The following PSMA1 variants were observed in gnomAD, a reference collection of about 807,000 sequenced individuals.
PSMA1 encodes the protein proteasome 20S subunit alpha 1.
A neutral mutation model predicts 38.4 loss-of-function variants in PSMA1; 3 were observed. That is an observed-to-expected ratio of 0.08 (90% CI 0.04 to 0.20). PSMA1 has a LOEUF of 0.20. Among genes scored for constraint, PSMA1 ranks in the 10% least tolerant of loss-of-function variants. PSMA1 has a pLI of 1.00. For synonymous variants in PSMA1, 101 were observed against 107.1 expected, an observed-to-expected ratio of 0.94 and a Z score of 0.35; for missense variants, 227 against 325.3, an observed-to-expected ratio of 0.70 and a Z score of 2.32.
chr11:14,632,230 G>T (rs1191482454), intron 1 of PSMA1, among the ~76,000 whole-genome samples: 7 of 149,024 alleles, frequency 4.7e-5, no homozygotes, highest in Middle Eastern at 3.4e-3. Flanking sequence ...TGGTTAATTT[G>T]CTCGTTAGTT....
intron 2 of PSMA1, among the ~76,000 whole-genome samples, chr11:14,580,739 T>C (rs1358143301): frequency 1.3e-5 from 2 of 152,198 alleles, no homozygotes; most frequent in African/African-American, 4.8e-5. Context: ...CCTGTCAGAC[T>C]GGAGCCATAG....
chr11:14,551,008 A>C (rs1426911009), intron 2 of PSMA1, among the ~76,000 whole-genome samples: 2 of 152,156 alleles, frequency 1.3e-5, no homozygotes, highest in Non-Finnish European at 1.5e-5. Flanking sequence ...TTAGGTATCT[A>C]AATATAGCAC....
At chr11:14,545,360 G>A (rs779773185) in intron 2 of PSMA1, among the ~76,000 whole-genome samples, 2 of 152,220 alleles carry the variant, frequency 1.3e-5, no homozygotes, top group Non-Finnish European at 2.9e-5. Context: ...GTGCAAGTTT[G>A]TTACATAGGT....
chr11:14,532,065 T>C (rs973907048), intron 2 of PSMA1, among the ~76,000 whole-genome samples: 1 of 151,962 alleles, frequency 6.6e-6, no homozygotes, highest in Non-Finnish European at 1.5e-5. Context: ...ACTAATATAA[T>C]ACCATTTTAA....
chr11:14,639,821 A>C (rs1266781346), intron 1 of PSMA1, among the ~76,000 whole-genome samples: 2 of 152,160 alleles, frequency 1.3e-5, no homozygotes, highest in Non-Finnish European at 2.9e-5. Flanking sequence ...ACCTTTTAAT[A>C]TCAAGCCTAG....
chr11:14,629,003 T>C lies in PSMA1; in HGVS notation c.-166+14452A>G, dbSNP rs1336404911. ...TCTGTTCATGTCCTTCGCCCACTTG[T>C]TGATGGGGTTGTTTGTTTTTTTCTT... On this transcript the variant is annotated intron_variant, in intron 1 of 10. Coordinates refer to the PSMA1 transcript ENST00000418988. Among the ~76,000 whole-genome samples the C allele has an allele frequency of 1.2e-3, 181 of 151,540 alleles. 2 individuals carry two copies. The highest frequency in any genetic ancestry group is 4.2e-3 in the African/African-American group (176 of 41,456).
At chr11:14,623,159 T>C in intron 1 of PSMA1, among the ~76,000 whole-genome samples, 1 of 152,232 alleles carries the variant, frequency 6.6e-6, no homozygotes, top group African/African-American at 2.4e-5. Context: ...GCAAATTGCA[T>C]GCGCAGGTAG....
rs542250357 is a variant in PSMA1 at position 14,517,987 on chromosome 11, GAA to G, written c.49-8_49-7del. The G allele has an allele frequency of 2.2e-6, 3 of 1,348,362 alleles. No homozygotes were observed. The highest frequency in any genetic ancestry group is 1.4e-5 in the South Asian group (1 of 69,872). The allele number at this position is 1,348,362 out of a possible 1,614,324, so 83.5% of individuals were successfully genotyped here. ...TCAATTTGATGAATCCTGCCCTAAA[GAA>G]AAAAAAAACAAAAAACACACATCTT... On this transcript the variant is annotated splice_polypyrimidine_tract_variant and splice_region_variant and intron_variant, in intron 2 of 9. Coordinates refer to ENST00000396394, the MANE Select transcript of PSMA1 (RefSeq NM_002786.4).
At chr11:14,594,448 A>G (rs1852461886) in intron 2 of PSMA1, among the ~76,000 whole-genome samples, 1 of 152,166 alleles carries the variant, frequency 6.6e-6, no homozygotes, top group Non-Finnish European at 1.5e-5. Flanking sequence ...CATTTCCATC[A>G]TGTCTAGACC....
chr11:14,536,302 G>A (rs569274475), intron 2 of PSMA1, among the ~76,000 whole-genome samples: 29 of 152,168 alleles, frequency 1.9e-4, no homozygotes, highest in African/African-American at 6.3e-4. Flanking sequence ...CGAGGGGGGC[G>A]GATCACCTGC....
rs1473006973 is a variant in PSMA1 at position 14,534,202 on chromosome 11, A to G, written c.22-15161T>C. 3.3e-5 allele frequency among the ~76,000 whole-genome samples: 5 copies of G among 152,186 alleles called. No individual in the cohort carries two copies. Among genetic ancestry groups the G allele is most frequent in the East Asian group, 1.9e-4 (1 of 5,200 alleles). ...GCCTCAAAAATACATACATACATACATACATAAATAAAATAAAATAAAAAT... is the reference window on the plus strand; with the variant it reads ...GCCTCAAAAATACATACATACATACGTACATAAATAAAATAAAATAAAAAT... On this transcript the variant is annotated intron_variant, in intron 2 of 10. Transcript: ENST00000418988. This position sits in a 1 kb window ranked among gnomAD's most constrained non-coding sequence, Gnocchi z 4.5.
rs1851385219 is a variant in PSMA1, at chr11:14,513,835, G to A, written c.396C>T (p.Leu132=). 1.3e-6 allele frequency: 2 copies of A among 1,597,304 alleles called. No homozygotes were observed. Among genetic ancestry groups the A allele is most frequent in the Non-Finnish European group, 1.7e-6 (2 of 1,175,058 alleles). ...AACTTACATCATAACCAGCAATAAG[G>A]AGACCAACACCATATGGTCTCCGGC... ...RYGRRPYGVG[L]LIAGYDDMGP... The change falls in exon 6 of 10, where the codon CTC becomes CTT. Residue 132 remains leucine, a synonymous_variant. Transcript: ENST00000396394.
chr11:14,594,401 A>G (rs781317613), intron 2 of PSMA1, among the ~76,000 whole-genome samples: 9 of 152,188 alleles, frequency 5.9e-5, no homozygotes, highest in Non-Finnish European at 1.3e-4. Flanking sequence ...TAAGCTTGAT[A>G]AATTGTTGGC....
chr11:14,531,724 T>A (rs1204042958), intron 2 of PSMA1, among the ~76,000 whole-genome samples: 1 of 152,146 alleles, frequency 6.6e-6, no homozygotes, highest in Admixed American at 6.5e-5. Context: ...CCTCCCAAAG[T>A]GCTGGGATTA....
intron 2 of PSMA1, among the ~76,000 whole-genome samples, chr11:14,591,642 T>G (rs542965833): frequency 5.3e-5 from 8 of 152,290 alleles, no homozygotes; most frequent in Admixed American, 2.6e-4. Flanking sequence ...ACACTCTGTA[T>G]CTAGCTGCTC....
chr11:14,609,999 G>C (rs916841969), intron 2 of PSMA1, among the ~76,000 whole-genome samples: 2 of 152,176 alleles, frequency 1.3e-5, no homozygotes, highest in African/African-American at 4.8e-5. Flanking sequence ...ACAAATGGTT[G>C]GGTTTCTGGA....
upstream of PSMA1, chr11:14,520,517 C>A: frequency 7.1e-7 from 1 of 1,416,154 alleles, no homozygotes; most frequent in Non-Finnish European, 9.2e-7. Flanking sequence ...CTCGGAAGAT[C>A]TAGGAACTGA....
At chr11:14,612,883 G>A (rs1590011001) in intron 1 of PSMA1, among the ~76,000 whole-genome samples, 1 of 150,916 alleles carries the variant, frequency 6.6e-6, no homozygotes, top group East Asian at 2.0e-4. Flanking sequence ...CAGGAGTTAG[G>A]AAGAAATCTT....
intron 1 of PSMA1, among the ~76,000 whole-genome samples, chr11:14,642,160 TTTA>T (rs1853215901): frequency 6.6e-6 from 1 of 152,230 alleles, no homozygotes; most frequent in Non-Finnish European, 1.5e-5. Flanking sequence ...TTCAAATCAA[TTTA>T]TTATTTCCTA....
Sources: gnomAD v4.1 joint callset for allele counts (sites outside exome capture counted in the v4.1 genomes callset) on GRCh38, gnomAD v4.1.1 for gene constraint, Gnocchi (gnomAD v3.1) non-coding constraint, MANE v1.5 for transcripts, NCBI Gene and HGNC (gene_info 2026-07-23, HGNC 2026-07-21) for gene names.